TNFSF4: variants seen among roughly 807,000 people sequenced by gnomAD.
TNFSF4 encodes tumor necrosis factor ligand superfamily member 4.
TNFSF4 carries 4 observed loss-of-function variants against 7.3 expected under a neutral mutation model. The ratio of observed to expected loss-of-function variants is 0.55; its 90% confidence interval spans 0.27 to 1.25. The LOEUF is 1.25. Ranked by LOEUF, TNFSF4 falls within the 50% of genes most tolerant of loss-of-function variation. The probability of loss-of-function intolerance (pLI) is 0.12; values close to 1 mark genes in which losing one functional copy is unlikely to be tolerated. For missense variants in TNFSF4, 181 were observed against 208.8 expected (o/e 0.87, Z 0.82); for synonymous variants, 76 against 83.7 (o/e 0.91, Z 0.50).
chr1:173,264,019 A>T, the TNFSF4 span, among the ~76,000 whole-genome samples: 2 of 152,208 alleles, frequency 1.3e-5, no homozygotes, highest in African/African-American at 2.4e-5. Flanking sequence ...AGAAAAAATA[A>T]CTATTGGATA....
At chr1:173,216,239 C>T in the TNFSF4 span, among the ~76,000 whole-genome samples, 1 of 151,852 alleles carries the variant, frequency 6.6e-6, no homozygotes, top group South Asian at 2.1e-4. Context: ...GGGCATCTAC[C>T]CTCATCTATG....
intron 2 of TNFSF4, among the ~76,000 whole-genome samples, chr1:173,188,165 A>G (rs1022964957): frequency 6.6e-6 from 1 of 152,232 alleles, no homozygotes; most frequent in Non-Finnish European, 1.5e-5. Context: ...TACAATTAGC[A>G]GGCAATAATG....
the TNFSF4 span, among the ~76,000 whole-genome samples, chr1:173,341,874 C>A: frequency 6.6e-6 from 1 of 152,116 alleles, no homozygotes; most frequent in African/African-American, 2.4e-5. Context: ...TGTCCCAGAC[C>A]CCAAGTCCAG....
the TNFSF4 span, among the ~76,000 whole-genome samples, chr1:173,389,669 G>C: frequency 2.0e-5 from 3 of 152,128 alleles, no homozygotes; most frequent in African/African-American, 7.2e-5. Context: ...TTTATCCAAA[G>C]AAAGAATCTC....
the TNFSF4 span, among the ~76,000 whole-genome samples, chr1:173,276,959 A>G: frequency 2.0e-5 from 3 of 152,008 alleles, no homozygotes; most frequent in East Asian, 5.8e-4. Context: ...TTCCCTTCAT[A>G]CAAGTACACA....
the TNFSF4 span, among the ~76,000 whole-genome samples, chr1:173,365,895 T>C: frequency 1.2e-4 from 18 of 152,210 alleles, no homozygotes; most frequent in African/African-American, 3.4e-4. Context: ...CATATTGGTA[T>C]GCATAAGATA....
chr1:173,180,074 A>G (rs1649025251), downstream of TNFSF4, among the ~76,000 whole-genome samples: 1 of 152,156 alleles, frequency 6.6e-6, no homozygotes, highest in Admixed American at 6.5e-5. Context: ...TTTTTCTTTC[A>G]AATTATACGT....
chr1:173,224,496 C>T, the TNFSF4 span, among the ~76,000 whole-genome samples: 1 of 152,188 alleles, frequency 6.6e-6, no homozygotes, highest in Non-Finnish European at 1.5e-5. Flanking sequence ...CACTCAACCC[C>T]TCATTGGTAG....
chr1:173,216,927 A>G, the TNFSF4 span, among the ~76,000 whole-genome samples: 1 of 152,104 alleles, frequency 6.6e-6, no homozygotes, highest in South Asian at 2.1e-4. Context: ...CGCCCTGGTT[A>G]TATTTGGAAG....
the TNFSF4 span, among the ~76,000 whole-genome samples, chr1:173,284,132 G>A: frequency 1.3e-5 from 2 of 152,238 alleles, no homozygotes; most frequent in Admixed American, 6.5e-5. Flanking sequence ...AGAAAGGCTG[G>A]AAAATGTGAG....
chr1:173,298,588 C>T, the TNFSF4 span, among the ~76,000 whole-genome samples: 2 of 151,916 alleles, frequency 1.3e-5, no homozygotes. Context: ...CTCTGCACTA[C>T]TCTCAAATTT....
the TNFSF4 span, among the ~76,000 whole-genome samples, chr1:173,391,856 G>A: frequency 0.018 from 2,793 of 152,200 alleles, 81 homozygotes; most frequent in African/African-American, 0.063. Context: ...AGGTTTTAGG[G>A]TGATTTTTAT....
the TNFSF4 span, among the ~76,000 whole-genome samples, chr1:173,337,944 A>G: frequency 6.6e-6 from 1 of 152,176 alleles, no homozygotes; most frequent in African/African-American, 2.4e-5. Context: ...GGATAGGATC[A>G]CTTGTTCTGT....
chr1:173,234,205 C>G, the TNFSF4 span, among the ~76,000 whole-genome samples: 3 of 152,220 alleles, frequency 2.0e-5, no homozygotes, highest in African/African-American at 7.2e-5. Flanking sequence ...AAATGCTCAT[C>G]ATCACTGGCC....
chr1:173,299,218 A>G, the TNFSF4 span, among the ~76,000 whole-genome samples: 1 of 151,816 alleles, frequency 6.6e-6, no homozygotes, highest in African/African-American at 2.4e-5. Flanking sequence ...CCTTTTCCCC[A>G]CTGCTTTTAG....
chr1:173,450,468 T>C, the TNFSF4 span, among the ~76,000 whole-genome samples: 1 of 151,922 alleles, frequency 6.6e-6, no homozygotes, highest in East Asian at 1.9e-4. Context: ...GACATTACAA[T>C]TAAGAAAATG....
the TNFSF4 span, among the ~76,000 whole-genome samples, chr1:173,314,160 A>G: frequency 6.6e-6 from 1 of 152,272 alleles, no homozygotes; most frequent in East Asian, 1.9e-4. Context: ...TCTGTGAAAT[A>G]TGGCGACCTC....
At chr1:173,447,206 A>C in the TNFSF4 span, among the ~76,000 whole-genome samples, 1 of 152,356 alleles carries the variant, frequency 6.6e-6, no homozygotes, top group Non-Finnish European at 1.5e-5. Context: ...AACAGTAAAA[A>C]AGTCAGTGAT....
the TNFSF4 span, among the ~76,000 whole-genome samples, chr1:173,364,240 T>TATATATAC: frequency 6.7e-6 from 1 of 149,632 alleles, no homozygotes; most frequent in Non-Finnish European, 1.5e-5. Flanking sequence ...TATATATATA[T>TATATATAC]ATGTACTGAT....
Sources: allele counts gnomAD v4.1 joint callset (sites outside exome capture counted in the v4.1 genomes callset), GRCh38; gene constraint gnomAD v4.1.1; transcripts MANE v1.5; gene names NCBI Gene and HGNC (gene_info 2026-07-23, HGNC 2026-07-21).